The following CPAP variants were observed in gnomAD, a reference collection of about 807,000 sequenced individuals.
The protein encoded by CPAP is centrosome assembly and centriole elongation protein.
the CPAP span, among the ~76,000 whole-genome samples, chr13:24,897,848 G>C: frequency 1.3e-5 from 2 of 152,174 alleles, no homozygotes; most frequent in Non-Finnish European, 2.9e-5. Flanking sequence ...AGTATTATTT[G>C]ATACTAAGGA....
At chr13:24,903,712 G>C in the CPAP span, among the ~76,000 whole-genome samples, 1 of 152,130 alleles carries the variant, frequency 6.6e-6, no homozygotes, top group African/African-American at 2.4e-5. Flanking sequence ...TTTAATTTAT[G>C]ATCTCTCCAC....
chr13:24,916,246 G>A, the CPAP span, among the ~76,000 whole-genome samples: 1 of 152,140 alleles, frequency 6.6e-6, no homozygotes, highest in Non-Finnish European at 1.5e-5. Flanking sequence ...TAGTACTGAA[G>A]TGGAATAACA....
chr13:24,922,698 C>T, the CPAP span: 1 of 152,308 alleles, frequency 6.6e-6, no homozygotes, highest in African/African-American at 2.4e-5. Flanking sequence ...CGCCCACCGC[C>T]GTCCATCTCC....
the CPAP span, chr13:24,922,987 C>A: frequency 6.6e-6 from 1 of 152,454 alleles, no homozygotes; most frequent in African/African-American, 2.4e-5. Context: ...CGTTGCCCGG[C>A]GGGGGATGGA....
the CPAP span, chr13:24,933,666 GTTCAGATAACAGGAT>G: frequency 1.3e-5 from 2 of 152,176 alleles, no homozygotes; most frequent in Non-Finnish European, 2.9e-5. Context: ...AGGCCTGGCA[GTTCAGATAACAGGAT>G]TTCACAACTG....
chr13:24,915,915 A>G, the CPAP span, among the ~76,000 whole-genome samples: 1 of 152,216 alleles, frequency 6.6e-6, no homozygotes, highest in South Asian at 2.1e-4. Context: ...ATGCTGTGAA[A>G]CAGATGAAGG....
chr13:24,884,288 T>TTA, the CPAP span: 2 of 1,613,914 alleles, frequency 1.2e-6, no homozygotes, highest in African/African-American at 2.7e-5. Context: ...CCAGAGATGG[T>TTA]TAAACTATGG....
chr13:24,883,965 T>C, the CPAP span: 1 of 1,614,156 alleles, frequency 6.2e-7, no homozygotes, highest in Non-Finnish European at 8.5e-7. Context: ...TGCCATACCG[T>C]TGTACTCTGA....
At chr13:24,929,966 A>C in the CPAP span, among the ~76,000 whole-genome samples, 2 of 144,620 alleles carry the variant, frequency 1.4e-5, no homozygotes, top group Non-Finnish European at 3.0e-5. Flanking sequence ...GCTAGAGTGC[A>C]GGAGTGCAAT....
the CPAP span, among the ~76,000 whole-genome samples, chr13:24,926,574 T>A: frequency 1.3e-5 from 2 of 151,968 alleles, no homozygotes; most frequent in Non-Finnish European, 2.9e-5. Context: ...AGAGGAACCA[T>A]CCACCTACCT....
the CPAP span, chr13:24,907,012 C>A: frequency 6.2e-7 from 1 of 1,600,004 alleles, no homozygotes; most frequent in Non-Finnish European, 8.6e-7. Flanking sequence ...CAAGTGATCT[C>A]AAAGTTATTT....
chr13:24,910,104 C>T, the CPAP span: 4 of 1,608,548 alleles, frequency 2.5e-6, no homozygotes, highest in Non-Finnish European at 2.5e-6. Flanking sequence ...TTAAGAAATG[C>T]AACAAAGCTG....
At chr13:24,889,300 T>C in the CPAP span, 1 of 1,548,190 alleles carries the variant, frequency 6.5e-7, no homozygotes. Flanking sequence ...TATAAAAAGA[T>C]CATGCAGCCT....
chr13:24,931,111 T>TA, the CPAP span, among the ~76,000 whole-genome samples: 2 of 152,158 alleles, frequency 1.3e-5, no homozygotes, highest in African/African-American at 4.8e-5. Context: ...GCATATTCCC[T>TA]ATTTGTTTTT....
the CPAP span, among the ~76,000 whole-genome samples, chr13:24,895,899 G>A: frequency 6.6e-6 from 1 of 152,102 alleles, no homozygotes; most frequent in Non-Finnish European, 1.5e-5. Context: ...TACATAAGGG[G>A]TTCTCAATAA....
the CPAP span, chr13:24,882,912 C>CACTT: frequency 1.1e-5 from 5 of 457,244 alleles, no homozygotes; most frequent in South Asian, 2.2e-5. Context: ...TAAACACACC[C>CACTT]ACTTACTGTA....
chr13:24,893,330 A>C, the CPAP span, among the ~76,000 whole-genome samples: 1 of 152,256 alleles, frequency 6.6e-6, no homozygotes, highest in Non-Finnish European at 1.5e-5. Context: ...TTCCAGAAAA[A>C]TGAGTTGTTT....
chr13:24,908,860 T>A, the CPAP span, among the ~76,000 whole-genome samples: 2 of 152,214 alleles, frequency 1.3e-5, no homozygotes, highest in South Asian at 2.1e-4. Context: ...GATACAATAA[T>A]AGCACTGTGG....
the CPAP span, among the ~76,000 whole-genome samples, chr13:24,901,217 G>A: frequency 6.6e-6 from 1 of 152,194 alleles, no homozygotes; most frequent in Non-Finnish European, 1.5e-5. Flanking sequence ...AACACTGGGG[G>A]AGGAATACTT....
Sources: allele counts gnomAD v4.1 joint callset (sites outside exome capture counted in the v4.1 genomes callset), GRCh38; gene constraint gnomAD v4.1.1; transcripts MANE v1.5; gene names NCBI Gene and HGNC (gene_info 2026-07-23, HGNC 2026-07-21).